RIPOR3: variants seen among roughly 807,000 people sequenced by gnomAD.
RIPOR3 encodes RIPOR family member 3, also known as family with sequence similarity 65 member C.
Under a neutral mutation model 114.3 loss-of-function variants are expected in RIPOR3, and 95 were observed. The observed-to-expected ratio is 0.83, with a 90% CI of 0.70 to 0.99. The LOEUF (loss-of-function observed/expected upper bound fraction) is 0.99. Among genes scored for constraint, RIPOR3 ranks in the 50% least tolerant of loss-of-function variants. RIPOR3 has a pLI of 0.00. For synonymous variants in RIPOR3, 575 were observed against 543.8 expected (o/e 1.06, Z -0.80); for missense variants, 1,252 against 1,266.9 (o/e 0.99, Z 0.18).
intron 16 of RIPOR3, 147 bp downstream of exon 16, chr20:50,595,222 G>GT: frequency 9.7e-7 from 1 of 1,026,086 alleles, no homozygotes; most frequent in Non-Finnish European, 1.4e-6. Context: ...CAAAGAGTGT[G>GT]TATCTCTGAG....
intron 1 of RIPOR3, among the ~76,000 whole-genome samples, chr20:50,654,313 C>T (rs779930791): frequency 9.2e-5 from 14 of 151,466 alleles, no homozygotes; most frequent in Admixed American, 2.0e-4. Flanking sequence ...ACTACAGGTG[C>T]CTGCCATCAT....
intron 4 of RIPOR3, 128 bp from the exon 5 acceptor site, chr20:50,611,332 C>A: frequency 8.5e-7 from 1 of 1,180,108 alleles, no homozygotes; most frequent in East Asian, 2.4e-5. Context: ...TCTACAGCCA[C>A]CCCCACCCAC....
intron 1 of RIPOR3, among the ~76,000 whole-genome samples, chr20:50,631,676 C>T (rs78492969): frequency 0.023 from 3,461 of 152,312 alleles, 48 homozygotes; most frequent in Non-Finnish European, 0.032. Flanking sequence ...GTGTCAAGGG[C>T]TGCTTCCACC....
intron 1 of RIPOR3, among the ~76,000 whole-genome samples, chr20:50,644,676 C>CTTTT (rs61225138): frequency 9.4e-5 from 7 of 74,582 alleles, no homozygotes; most frequent in East Asian, 4.5e-4. Flanking sequence ...TTTTTGTTTG[C>CTTTT]TTTTTTTTTT....
At chr20:50,650,289 G>C (rs2085553721) in intron 1 of RIPOR3, among the ~76,000 whole-genome samples, 1 of 151,996 alleles carries the variant, frequency 6.6e-6, no homozygotes, top group Admixed American at 6.6e-5. Flanking sequence ...CACAGCACGG[G>C]GGTTTGGGTT....
intron 2 of RIPOR3, among the ~76,000 whole-genome samples, chr20:50,628,247 A>G (rs1287793306): frequency 1.3e-5 from 2 of 152,092 alleles, no homozygotes; most frequent in African/African-American, 4.8e-5. Context: ...TGGGGCACTG[A>G]GCACTAACTG....
chr20:50,685,819 C>CA (rs541595639), intron 1 of RIPOR3, among the ~76,000 whole-genome samples: 88,161 of 112,948 alleles, frequency 0.78, 34,185 homozygotes, highest in Middle Eastern at 0.81. Flanking sequence ...GACTCTGTCT[C>CA]AAAAAAAAAA....
chr20:50,656,225 C>G (rs1300110780), intron 1 of RIPOR3, among the ~76,000 whole-genome samples: 1 of 151,674 alleles, frequency 6.6e-6, no homozygotes, highest in Non-Finnish European at 1.5e-5. Context: ...CCAGGCTGTC[C>G]TTTCCTTTTC....
At position 50,624,547 on chromosome 20, in the gene RIPOR3, GCCACTCTGAGAGCCCGC is replaced by G. The variant is rs2084546814; in HGVS notation, c.123-4432_123-4416del. ...GAGGTTTAACAGGACAGGCTCAGTG[GCCACTCTGAGAGCCCGC>G]CCACCCGGGGAAGGTGATGCACATG... On this transcript the variant is annotated intron_variant, in intron 2 of 21. Transcript: ENST00000327979. Among the ~76,000 whole-genome samples the G allele has an allele frequency of 2.0e-5, 3 of 152,212 alleles. No individual in the cohort carries two copies. In the South Asian group the frequency reaches 6.2e-4, roughly 32 times the overall value.
intron 1 of RIPOR3, among the ~76,000 whole-genome samples, chr20:50,666,291 C>A (rs2086243471): frequency 6.9e-6 from 1 of 145,038 alleles, no homozygotes; most frequent in African/African-American, 2.5e-5. Context: ...GTGGCGCAAT[C>A]TCGGCTCACC....
At position 50,602,273 on chromosome 20, in the gene RIPOR3, G is replaced by A. The variant is rs149659268; in HGVS notation, c.1458C>T (p.Gly486=). 3.1e-6 allele frequency: 5 copies of A among 1,614,032 alleles called. No individual in the cohort carries two copies. The highest frequency in any genetic ancestry group is 4.2e-6 in the Non-Finnish European group (5 of 1,179,970). The change falls in exon 13 of 22, where the codon GGC becomes GGT. Residue 486 remains glycine (G), a synonymous_variant. Coordinates refer to ENST00000327979, the MANE Select transcript of RIPOR3 (RefSeq NM_001290268.2). This position sits in a 1 kb window ranked among gnomAD's most constrained non-coding sequence, Gnocchi z 4.3. ...LGGESPSLPQ[G]SLFHSGTASS... ...AGGCTGTGCCGCTGTGGAACAGGGA[G>A]CCCTGTGGCAGGCTGGGGCTCTCCC... is the stretch of plus-strand genomic sequence containing the variant.
intron 4 of RIPOR3, among the ~76,000 whole-genome samples, chr20:50,613,574 C>T (rs1316957155): frequency 6.6e-6 from 1 of 152,166 alleles, no homozygotes; most frequent in Non-Finnish European, 1.5e-5. Context: ...CAATGAGAAC[C>T]AGCAGTGTCA....
chr20:50,596,124 C>G lies in RIPOR3; in HGVS notation c.1914+16G>C. 1.2e-6 allele frequency: 2 copies of G among 1,614,018 alleles called. No individual in the cohort carries two copies. Among genetic ancestry groups the G allele is most frequent in the East Asian group, 2.2e-5 (1 of 44,878 alleles). On this transcript the variant is annotated intron_variant, in intron 15 of 21. Coordinates refer to ENST00000327979, the MANE Select transcript of RIPOR3 (RefSeq NM_001290268.2). ...CCCTGTCTGCCCCTCCCTGACAAGT[C>G]CCCTAGCCCAGCCACCTGCAGCAGA...
intron 2 of RIPOR3, chr20:50,621,185 A>G: frequency 5.8e-6 from 2 of 341,976 alleles, no homozygotes; most frequent in Non-Finnish European, 1.1e-5. Flanking sequence ...GAAGAAATAC[A>G]GTCAAGTAGC....
chr20:50,639,748 C>T (rs6091189), intron 1 of RIPOR3, among the ~76,000 whole-genome samples: 36,674 of 151,966 alleles, frequency 0.24, 5,670 homozygotes, highest in African/African-American at 0.45. Context: ...CAGTGTGGTG[C>T]AGGTGTGTGT....
intron 2 of RIPOR3, among the ~76,000 whole-genome samples, chr20:50,623,184 C>T (rs1040337559): frequency 7.3e-5 from 11 of 150,238 alleles, no homozygotes; most frequent in African/African-American, 1.7e-4. Flanking sequence ...TCACTTGAAC[C>T]GGGAGGCAGA....
At chr20:50,604,836 CG>C (rs2083647201) in intron 11 of RIPOR3, 62 bp from the exon 12 acceptor site, 2 of 1,584,180 alleles carry the variant, frequency 1.3e-6, no homozygotes, top group Non-Finnish European at 1.7e-6. Flanking sequence ...CAGGCCCAGA[CG>C]GCCCACAGGG....
intron 4 of RIPOR3, among the ~76,000 whole-genome samples, chr20:50,612,183 C>T (rs1284748090): frequency 1.3e-5 from 2 of 151,342 alleles, no homozygotes; most frequent in African/African-American, 4.9e-5. Context: ...CCTTTGCCTA[C>T]CTTAGAGTTA....
chr20:50,607,211 G>A (rs942174246), intron 11 of RIPOR3, among the ~76,000 whole-genome samples: 4 of 152,168 alleles, frequency 2.6e-5, no homozygotes, highest in South Asian at 4.1e-4. Flanking sequence ...AAGCTCAGCC[G>A]ATGAGCAGGG....
Sources: allele counts gnomAD v4.1 joint callset (sites outside exome capture counted in the v4.1 genomes callset), GRCh38; gene constraint gnomAD v4.1.1; non-coding constraint Gnocchi (gnomAD v3.1); transcripts MANE v1.5; gene names NCBI Gene and HGNC (gene_info 2026-07-23, HGNC 2026-07-21).